Variants in TRAF3IP1 observed in about 807,000 individuals in gnomAD.
TRAF3IP1 encodes the protein TRAF3-interacting protein 1.
TRAF3IP1 carries 53 observed loss-of-function variants against 89.9 expected under a neutral mutation model. The ratio of observed to expected loss-of-function variants is 0.59; its 90% confidence interval spans 0.47 to 0.74. TRAF3IP1 has a LOEUF of 0.74. Ranked by LOEUF, TRAF3IP1 falls within the 30% of genes least tolerant of loss-of-function variation. TRAF3IP1 has a pLI of 0.00. For missense variants in TRAF3IP1, 806 were observed against 866.1 expected, an observed-to-expected ratio of 0.93 and a Z score of 0.87; for synonymous variants, 311 against 322.1, an observed-to-expected ratio of 0.97 and a Z score of 0.37.
rs1448138049 is a variant in TRAF3IP1, at chr2:238,353,223, A to C, written c.1612+14A>C. 1 of 1,614,034 alleles carries C rather than the reference A, an allele frequency of 6.2e-7. No individual in the cohort carries two copies. Among genetic ancestry groups the C allele is most frequent in the East Asian group, 2.2e-5 (1 of 44,884 alleles). The stretch of plus-strand genomic sequence containing the variant: ...AGGAGAAGCATGGTGAGTCCTGGGC[A>C]CGAGTGTGCATGTATGTCCATGTGT... On this transcript the variant is annotated intron_variant, in intron 14 of 16. Transcript: ENST00000373327.
chr2:238,353,903 A>T (rs567321107), intron 14 of TRAF3IP1, among the ~76,000 whole-genome samples: 3 of 152,154 alleles, frequency 2.0e-5, no homozygotes, highest in Admixed American at 6.5e-5. Flanking sequence ...CCTCACAAGT[A>T]GCTGGGACTA....
At chr2:238,398,677 C>T (rs1166362193) in intron 16 of TRAF3IP1, 77 bp from the exon 17 acceptor site, 3 of 1,372,404 alleles carry the variant, frequency 2.2e-6, no homozygotes, top group Non-Finnish European at 1.9e-6. Flanking sequence ...CTTCTGTTGT[C>T]TTTCAATGTC....
chr2:238,371,772 A>G (rs1050261547), intron 15 of TRAF3IP1, among the ~76,000 whole-genome samples: 1 of 152,264 alleles, frequency 6.6e-6, no homozygotes, highest in East Asian at 1.9e-4. Flanking sequence ...TATTGATTAC[A>G]TGTTGAAATG....
chr2:238,369,972 C>T (rs963486884), intron 15 of TRAF3IP1, among the ~76,000 whole-genome samples: 4 of 152,140 alleles, frequency 2.6e-5, no homozygotes, highest in African/African-American at 7.2e-5. Context: ...AGCCTGCGCC[C>T]AGCATTCTTT....
In TRAF3IP1 at chr2:238,379,304, C is replaced by T. The variant is rs976830589; in HGVS notation, c.1690-18155C>T. Among the ~76,000 whole-genome samples the T allele has an allele frequency of 6.6e-6, 1 of 152,208 alleles. No individual in the cohort carries two copies. The highest frequency in any genetic ancestry group is 2.4e-5 in the African/African-American group (1 of 41,458). ...AGCCGCACACTCACCATCTCTGACC[C>T]GGGCTCTGCTATCCTCACAGCATTG... On this transcript the variant is annotated intron_variant, in intron 15 of 16. Transcript: ENST00000373327. This position sits in a 1 kb window ranked among gnomAD's most constrained non-coding sequence, Gnocchi z 4.0.
intron 9 of TRAF3IP1, among the ~76,000 whole-genome samples, chr2:238,346,452 C>G (rs1698897695): frequency 6.6e-6 from 1 of 152,166 alleles, no homozygotes; most frequent in African/African-American, 2.4e-5. Context: ...ATAGAGTCCT[C>G]TAGAGCCTCC....
At chr2:238,338,327 AAT>A in intron 7 of TRAF3IP1, 33 bp from the exon 8 acceptor site, 1 of 1,132,420 alleles carries the variant, frequency 8.8e-7, no homozygotes, top group Non-Finnish European at 1.2e-6. Flanking sequence ...AATCTTTTAT[AAT>A]ATTTTAATCT....
At chr2:238,381,137 A>ATT (rs1332637276) in intron 15 of TRAF3IP1, among the ~76,000 whole-genome samples, 46 of 121,826 alleles carry the variant, frequency 3.8e-4, no homozygotes, top group African/African-American at 1.3e-3. Flanking sequence ...TTATTTATTT[A>ATT]TTTATTTTTT....
chr2:238,333,145 C>T (rs563797523), intron 6 of TRAF3IP1, among the ~76,000 whole-genome samples: 30 of 152,108 alleles, frequency 2.0e-4, no homozygotes, highest in African/African-American at 7.0e-4. Context: ...CTTTATATGA[C>T]AAGTGTGATA....
chr2:238,398,752 A>G lies in TRAF3IP1; in HGVS notation c.1911-2A>G, dbSNP rs752244395. 2 of 1,581,314 alleles carry G rather than the reference A, an allele frequency of 1.3e-6. No homozygotes were observed. The highest frequency in any genetic ancestry group is 2.0e-5 in the Admixed American group (1 of 49,328). On this transcript the variant is annotated splice_acceptor_variant, in intron 16 of 16. Coordinates refer to ENST00000373327, the MANE Select transcript of TRAF3IP1 (RefSeq NM_015650.4). LOFTEE classifies it high-confidence loss of function. ...TGAGCCGCTGGTTTTGTTCTCCCTC[A>G]GGATCACAGACTGTGCCGTGGAGCC...
intron 15 of TRAF3IP1, among the ~76,000 whole-genome samples, chr2:238,388,374 CAAAAAAA>C (rs71043134): frequency 3.9e-5 from 4 of 101,660 alleles, no homozygotes; most frequent in African/African-American, 1.7e-4. Context: ...GACCCTGTCT[CAAAAAAA>C]AAAAAAAAAA....
chr2:238,332,132 C>G (rs1698156447), intron 5 of TRAF3IP1, among the ~76,000 whole-genome samples: 1 of 152,180 alleles, frequency 6.6e-6, no homozygotes, highest in Admixed American at 6.5e-5. Context: ...CTGATACAAT[C>G]TGATACCTTC....
intron 15 of TRAF3IP1, among the ~76,000 whole-genome samples, chr2:238,387,008 C>T (rs899633379): frequency 2.3e-4 from 35 of 152,168 alleles, no homozygotes; most frequent in Non-Finnish European, 1.2e-4. Context: ...TAACAGCTAA[C>T]ATTTATAGAG....
chr2:238,341,031 G>A (rs2106381082), intron 8 of TRAF3IP1, among the ~76,000 whole-genome samples: 1 of 152,024 alleles, frequency 6.6e-6, no homozygotes, highest in Middle Eastern at 3.4e-3. Flanking sequence ...CTTCTTATGT[G>A]TATTTTTGAG....
chr2:238,377,972 T>G (rs1423475163), intron 15 of TRAF3IP1, among the ~76,000 whole-genome samples: 1 of 152,226 alleles, frequency 6.6e-6, no homozygotes. Flanking sequence ...TTGCTAGAAC[T>G]CTTTAATATT....
chr2:238,339,679 C>T (rs1698546394), intron 8 of TRAF3IP1, among the ~76,000 whole-genome samples: 1 of 152,238 alleles, frequency 6.6e-6, no homozygotes, highest in Admixed American at 6.5e-5. Context: ...CATAAATGGG[C>T]GTAAAGATAC....
In TRAF3IP1 at chr2:238,398,737, GT is replaced by G; in HGVS notation, c.1911-13del. 6.4e-7 allele frequency: 1 copy of G among 1,560,482 alleles called. No homozygotes were observed. The highest frequency in any genetic ancestry group is 8.6e-7 in the Non-Finnish European group (1 of 1,159,966). ...GAGATGAGAGAGTGATGAGCCGCTG[GT>G]TTTGTTCTCCCTCAGGATCACAGAC... On this transcript the variant is annotated splice_polypyrimidine_tract_variant and intron_variant, in intron 16 of 16. Transcript: ENST00000373327.
At chr2:238,370,995 G>A (rs912652222) in intron 15 of TRAF3IP1, among the ~76,000 whole-genome samples, 4 of 152,194 alleles carry the variant, frequency 2.6e-5, no homozygotes, top group African/African-American at 9.7e-5. Context: ...TAGGGAGCGG[G>A]CATAGTTCTC....
intron 15 of TRAF3IP1, among the ~76,000 whole-genome samples, chr2:238,378,798 C>T (rs565685576): frequency 2.0e-5 from 3 of 152,138 alleles, no homozygotes; most frequent in African/African-American, 7.2e-5. Context: ...AGCCGGGACC[C>T]CCCCCCAGGC....
Sources: gnomAD v4.1 joint callset for allele counts (sites outside exome capture counted in the v4.1 genomes callset) on GRCh38, gnomAD v4.1.1 for gene constraint, Gnocchi (gnomAD v3.1) non-coding constraint, MANE v1.5 for transcripts, NCBI Gene and HGNC (gene_info 2026-07-23, HGNC 2026-07-21) for gene names.